The following FOXK2 variants were observed in gnomAD, a reference collection of about 807,000 sequenced individuals.
FOXK2 encodes the protein forkhead box protein K2.
Under a neutral mutation model 53.3 loss-of-function variants are expected in FOXK2, and 24 were observed. That is an observed-to-expected ratio of 0.45 (90% CI 0.33 to 0.63). The LOEUF (loss-of-function observed/expected upper bound fraction) is 0.63. Among genes scored for constraint, FOXK2 ranks in the 30% least tolerant of loss-of-function variants. The pLI is 0.03. For missense variants in FOXK2, 952 were observed against 910.5 expected, an observed-to-expected ratio of 1.05 and a Z score of -0.59; for synonymous variants, 505 against 407.1, an observed-to-expected ratio of 1.24 and a Z score of -2.89.
chr17:82,542,692 C>T (rs553331191), intron 1 of FOXK2, among the ~76,000 whole-genome samples: 15 of 152,136 alleles, frequency 9.9e-5, no homozygotes, highest in South Asian at 4.2e-4. Context: ...GTGCAGAGTG[C>T]GGCCAAAGCA....
chr17:82,567,756 TG>T (rs1334780178), intron 2 of FOXK2, among the ~76,000 whole-genome samples: 1 of 152,024 alleles, frequency 6.6e-6, no homozygotes, highest in Non-Finnish European at 1.5e-5. Flanking sequence ...GTTTCCTCAC[TG>T]GTGAAATGAG....
At chr17:82,594,908 G>A (rs1326555667) in intron 8 of FOXK2, among the ~76,000 whole-genome samples, 3 of 152,138 alleles carry the variant, frequency 2.0e-5, no homozygotes, top group Admixed American at 1.3e-4. Flanking sequence ...TGGCTGTGGC[G>A]GCAGCACCTG....
intron 3 of FOXK2, among the ~76,000 whole-genome samples, chr17:82,570,746 A>C (rs1389728197): frequency 2.0e-5 from 3 of 152,214 alleles, no homozygotes; most frequent in African/African-American, 7.2e-5. Flanking sequence ...CCATGTTGAC[A>C]AGCGTGTTGC....
chr17:82,603,518 C>T lies in FOXK2; in HGVS notation c.*2019C>T, dbSNP rs761282683. Reference sequence around the variant, plus strand: ...GACACCAAGCAAATGCATCGTATGTCCCCTTGGAGACGTTTTTATGCAGCT... The same window carrying T: ...GACACCAAGCAAATGCATCGTATGTTCCCTTGGAGACGTTTTTATGCAGCT... On this transcript the variant is annotated 3_prime_UTR_variant, in exon 9 of 9. Coordinates refer to ENST00000335255, the MANE Select transcript of FOXK2 (RefSeq NM_004514.4). 5.3e-5 allele frequency: 8 copies of T among 151,328 alleles called. No individual in the cohort carries two copies. The highest frequency in any genetic ancestry group is 2.0e-4 in the African/African-American group (8 of 40,688). The allele number at this position is 151,328 out of a possible 1,614,324, so 9.4% of individuals were successfully genotyped here.
intron 1 of FOXK2, among the ~76,000 whole-genome samples, chr17:82,532,642 A>G (rs1251534752): frequency 6.6e-6 from 1 of 152,090 alleles, no homozygotes; most frequent in Non-Finnish European, 1.5e-5. Flanking sequence ...GCTGGAGTGC[A>G]ATGGTGTGAT....
At chr17:82,524,212 C>T (rs2044395569) in intron 1 of FOXK2, among the ~76,000 whole-genome samples, 1 of 152,184 alleles carries the variant, frequency 6.6e-6, no homozygotes, top group Non-Finnish European at 1.5e-5. Flanking sequence ...ATTATTAATG[C>T]TTATTTCAGA....
At chr17:82,588,760 C>T (rs1292621901) in intron 8 of FOXK2, among the ~76,000 whole-genome samples, 2 of 151,970 alleles carry the variant, frequency 1.3e-5, no homozygotes, top group African/African-American at 4.8e-5. Context: ...GTTTGAAAAA[C>T]CGTATCCCTG....
chr17:82,596,896 C>T (rs779835855), intron 8 of FOXK2, among the ~76,000 whole-genome samples: 25 of 152,348 alleles, frequency 1.6e-4, no homozygotes, highest in East Asian at 5.8e-4. Context: ...GTAGTCCTCC[C>T]GGGCTTGCTG....
intron 8 of FOXK2, among the ~76,000 whole-genome samples, chr17:82,596,954 G>GC (rs2143173034): frequency 1.3e-5 from 2 of 152,334 alleles, no homozygotes; most frequent in African/African-American, 4.8e-5. Flanking sequence ...CGTGGCGAGA[G>GC]CCCCTTGTGC....
intron 8 of FOXK2, among the ~76,000 whole-genome samples, chr17:82,597,281 T>C (rs2045323945): frequency 6.6e-6 from 1 of 152,198 alleles, no homozygotes. Flanking sequence ...ACAGAGTCAG[T>C]GCCTTCCCAA....
At chr17:82,545,561 T>A (rs1450370141) in intron 1 of FOXK2, among the ~76,000 whole-genome samples, 9 of 151,472 alleles carry the variant, frequency 5.9e-5, no homozygotes, top group Non-Finnish European at 1.0e-4. Flanking sequence ...ATAGTCTTTT[T>A]TTTGTTGTTG....
intron 1 of FOXK2, among the ~76,000 whole-genome samples, chr17:82,538,537 C>T (rs1340022904): frequency 6.6e-6 from 1 of 152,224 alleles, no homozygotes; most frequent in Non-Finnish European, 1.5e-5. Context: ...ACCGTCCTCG[C>T]ATTTGCCTTC....
Position 82,526,639 on chromosome 17 carries a change from G to A in FOXK2, c.419+6332G>A, listed in dbSNP as rs200411983. Reference sequence around the variant, plus strand: ...AGGTCAGGAGATTGAGACCATCCTGGTTAACACGGTGAAACCTCATCTCTA... The same window carrying A: ...AGGTCAGGAGATTGAGACCATCCTGATTAACACGGTGAAACCTCATCTCTA... On this transcript the variant is annotated intron_variant, in intron 1 of 8. Transcript: ENST00000335255. Among the ~76,000 whole-genome samples the A allele has an allele frequency of 1.2e-4, 18 of 152,132 alleles. No homozygotes were observed. In the East Asian group the frequency reaches 3.1e-3, roughly 26 times the overall value.
chr17:82,521,742 T>G (rs1017497770), intron 1 of FOXK2, among the ~76,000 whole-genome samples: 14 of 103,784 alleles, frequency 1.3e-4, no homozygotes, highest in African/African-American at 5.0e-4. Context: ...CCATTCTGGC[T>G]AACACGGTGA....
At chr17:82,582,492 G>A (rs534698728) in intron 4 of FOXK2, among the ~76,000 whole-genome samples, 6 of 152,252 alleles carry the variant, frequency 3.9e-5, no homozygotes, top group East Asian at 1.9e-4. Context: ...GCCTGTAAAC[G>A]TCACTCTCTG....
At chr17:82,564,070 A>T (rs995701438) in intron 2 of FOXK2, among the ~76,000 whole-genome samples, 9 of 147,600 alleles carry the variant, frequency 6.1e-5, no homozygotes, top group African/African-American at 2.3e-4. Flanking sequence ...ATTCTTTAAA[A>T]GATGTTTTTA....
At chr17:82,590,457 C>T (rs368583844) in intron 8 of FOXK2, among the ~76,000 whole-genome samples, 74 of 152,264 alleles carry the variant, frequency 4.9e-4, no homozygotes, top group African/African-American at 1.7e-3. Flanking sequence ...CTCTGGCCAG[C>T]ACGTCTTTTC....
intron 1 of FOXK2, among the ~76,000 whole-genome samples, chr17:82,548,573 C>G (rs1036075471): frequency 1.3e-5 from 2 of 152,162 alleles, no homozygotes; most frequent in Non-Finnish European, 2.9e-5. Context: ...TTCTCCCATT[C>G]CATCCTTTGC....
intron 6 of FOXK2, among the ~76,000 whole-genome samples, chr17:82,585,503 G>C (rs1598229610): frequency 6.6e-6 from 1 of 152,066 alleles, no homozygotes; most frequent in African/African-American, 2.4e-5. Context: ...ATTTGTCGTA[G>C]AGACAGGGTC....
Sources: allele counts gnomAD v4.1 joint callset (sites outside exome capture counted in the v4.1 genomes callset), GRCh38; gene constraint gnomAD v4.1.1; transcripts MANE v1.5; gene names NCBI Gene and HGNC (gene_info 2026-07-23, HGNC 2026-07-21).